Variants in ZNF85 observed in about 807,000 individuals in gnomAD.
The protein encoded by ZNF85 is zinc finger protein 85 (HPF4, HTF1).
Under a neutral mutation model 53.9 loss-of-function variants are expected in ZNF85, and 50 were observed. The observed-to-expected ratio is 0.93, with a 90% CI of 0.74 to 1.17. ZNF85 has a LOEUF of 1.17. ZNF85 is among the 50% of genes most tolerant of loss of function. ZNF85 has a pLI of 0.00. For missense variants in ZNF85, 747 were observed against 688.5 expected, an observed-to-expected ratio of 1.08 and a Z score of -0.95; for synonymous variants, 225 against 226.1, an observed-to-expected ratio of 1.00 and a Z score of 0.04.
At position 20,949,162 on chromosome 19, in the gene ZNF85, C is replaced by A. The variant is rs1973498309; in HGVS notation, c.648C>A (p.Thr216=). 3.7e-6 allele frequency: 6 copies of A among 1,613,446 alleles called. No individual in the cohort carries two copies. Among genetic ancestry groups the A allele is most frequent in the Non-Finnish European group, 5.1e-6 (6 of 1,179,718 alleles). ...GAAAAGCCTTTAACTGGTCCTCAAC[C>A]CTTACTAAACATAAGAGAATTCATA... ...ECGKAFNWSS[T]LTKHKRIHTG... is the part of the protein sequence containing the mutation. Residue 216 remains threonine, a synonymous_variant, in exon 4 of 4, where the codon ACC becomes ACA. Coordinates refer to ENST00000328178, the MANE Select transcript of ZNF85 (RefSeq NM_003429.5).
At chr19:20,945,740 C>G (rs2144665232) in intron 3 of ZNF85, 1 of 152,324 alleles carries the variant, frequency 6.6e-6, no homozygotes, top group African/African-American at 2.4e-5. Flanking sequence ...CCGCCTTGGC[C>G]TTCCAAAGTG....
chr19:20,931,598 T>C (rs1176664944), intron 1 of ZNF85, among the ~76,000 whole-genome samples: 1 of 137,896 alleles, frequency 7.3e-6, no homozygotes, highest in East Asian at 2.0e-4. Flanking sequence ...TGTGGCCATA[T>C]TTTCTTTTTC....
chr19:20,942,332 CG>C (rs1973317121), intron 3 of ZNF85, among the ~76,000 whole-genome samples: 1 of 151,790 alleles, frequency 6.6e-6, no homozygotes, highest in African/African-American at 2.4e-5. Flanking sequence ...TTGGTAGAGA[CG>C]GGGTTTCAGT....
intron 2 of ZNF85, 66 bp from the exon 3 acceptor site, chr19:20,934,883 C>T (rs1400447791): frequency 2.1e-6 from 2 of 971,818 alleles, no homozygotes; most frequent in African/African-American, 1.7e-5. Flanking sequence ...ACTAGCTAAG[C>T]ACATTACTAG....
Position 20,934,995 on chromosome 19 carries a change from GA to G in ZNF85, c.180del (p.Glu61ArgfsTer5). 2 of 1,611,614 alleles carry G rather than the reference GA, an allele frequency of 1.2e-6. No homozygotes were observed. The highest frequency in any genetic ancestry group is 1.7e-6 in the Non-Finnish European group (2 of 1,178,830). On this transcript the variant is annotated frameshift_variant, in exon 3 of 4. Coordinates refer to ENST00000328178, the MANE Select transcript of ZNF85 (RefSeq NM_003429.5). LOFTEE classifies it high-confidence loss of function. Reference sequence around the variant, plus strand: ...ACCTGATCACTTGTCTGGAGCAAGGGAAAGAGGCCTGGAGTATGAAGAGACA... The same window carrying G: ...ACCTGATCACTTGTCTGGAGCAAGGGAAGAGGCCTGGAGTATGAAGAGACA... ...PDLITCLEQG[K>X]EAWSMKRHEI...
At chr19:20,930,975 A>G (rs558795520) in intron 1 of ZNF85, among the ~76,000 whole-genome samples, 11 of 152,250 alleles carry the variant, frequency 7.2e-5, no homozygotes, top group East Asian at 1.9e-4. Flanking sequence ...GCGTTTCTCC[A>G]TGTTGGTCAG....
At position 20,949,279 on chromosome 19, in the gene ZNF85, G is replaced by C; in HGVS notation, c.765G>C (p.Glu255Asp). Residue 255 changes from glutamate to aspartate, a missense_variant, in exon 4 of 4, where the codon GAG becomes GAC. Physicochemically the swap from Glu to Asp is conservative, Grantham distance 45. Coordinates refer to ENST00000328178, the MANE Select transcript of ZNF85 (RefSeq NM_003429.5). ...LIKHKKIHTG[E>D]KPYKCEECGK... ...AACATAAGAAAATTCATACTGGAGA[G>C]AAACCCTACAAATGTGAAGAATGTG... 6.2e-7 allele frequency: 1 copy of C among 1,612,786 alleles called. No individual in the cohort carries two copies. Among genetic ancestry groups the C allele is most frequent in the Non-Finnish European group, 8.5e-7 (1 of 1,179,532 alleles).
intron 1 of ZNF85, chr19:20,926,909 T>C (rs1407499321): frequency 6.6e-6 from 1 of 152,196 alleles, no homozygotes; most frequent in East Asian, 1.9e-4. Context: ...CTATATCATC[T>C]TTATGGCTTG....
At chr19:20,933,912 A>T (rs1202847208) in intron 1 of ZNF85, 112 bp from the exon 2 acceptor site, 5 of 1,187,586 alleles carry the variant, frequency 4.2e-6, no homozygotes, top group Non-Finnish European at 4.5e-6. Context: ...CTCTCATTTC[A>T]CCTTGAGTAA....
intron 3 of ZNF85, among the ~76,000 whole-genome samples, chr19:20,942,407 G>T (rs145378016): frequency 0.1 from 15,532 of 152,074 alleles, 876 homozygotes; most frequent in Non-Finnish European, 0.13. Flanking sequence ...CTCCCAAAGT[G>T]CTGGGATTAC....
In ZNF85 at chr19:20,937,246, A is replaced by G. The variant is rs146942367; in HGVS notation, c.229+2199A>G. 3,510 of 440,842 alleles carry G rather than the reference A, an allele frequency of 8.0e-3. 65 individuals are homozygous for G. Among genetic ancestry groups the G allele is most frequent in the African/African-American group, 0.032 (1,602 of 49,352 alleles). 27.3% of individuals were successfully genotyped at this position (440,842 alleles called of 1,614,324 possible). A position where few individuals can be genotyped will look rare whatever the true frequency, so the allele number is the denominator to read the frequency against. On this transcript the variant is annotated intron_variant, in intron 3 of 3. Transcript: ENST00000328178. ...GAAGTTTCACCATATTGGCCAGGCG[A>G]GTCTCAAACTCCTGACCTCGTGATC...
intron 3 of ZNF85, among the ~76,000 whole-genome samples, chr19:20,940,060 T>G (rs1430136052): frequency 6.6e-6 from 1 of 152,018 alleles, no homozygotes; most frequent in Non-Finnish European, 1.5e-5. Context: ...GATACTCTTA[T>G]TTTTACCATG....
chr19:20,934,509 C>G (rs1311455920), intron 2 of ZNF85, among the ~76,000 whole-genome samples: 4 of 152,160 alleles, frequency 2.6e-5, no homozygotes, highest in Non-Finnish European at 5.9e-5. Flanking sequence ...GTGGCTCACG[C>G]CTGTAATCCC....
intron 3 of ZNF85, among the ~76,000 whole-genome samples, chr19:20,942,073 C>A (rs1471390002): frequency 1.3e-5 from 2 of 152,068 alleles, no homozygotes; most frequent in African/African-American, 4.8e-5. Context: ...TGATCATATA[C>A]AGATTTCTGT....
chr19:20,928,670 C>T (rs2144605220), intron 1 of ZNF85: 1 of 152,442 alleles, frequency 6.6e-6, no homozygotes, highest in East Asian at 1.9e-4. Context: ...CTACAAGTCT[C>T]CTGGCATATC....
At chr19:20,946,025 G>T (rs1266920777) in intron 3 of ZNF85, among the ~76,000 whole-genome samples, 3 of 139,500 alleles carry the variant, frequency 2.2e-5, no homozygotes, top group East Asian at 4.2e-4. Context: ...TTGAAATCAG[G>T]AAGTGTAATG....
At chr19:20,941,060 T>C (rs1973283329) in intron 3 of ZNF85, among the ~76,000 whole-genome samples, 1 of 152,054 alleles carries the variant, frequency 6.6e-6, no homozygotes, top group Non-Finnish European at 1.5e-5. Context: ...TTTAATTATC[T>C]GAGGAACATT....
chr19:20,929,907 T>A (rs915949722), intron 1 of ZNF85, among the ~76,000 whole-genome samples: 1 of 151,972 alleles, frequency 6.6e-6, no homozygotes, highest in Non-Finnish European at 1.5e-5. Context: ...GATCATAAGG[T>A]CAGGAGTTCG....
intron 1 of ZNF85, among the ~76,000 whole-genome samples, chr19:20,931,689 C>A (rs890457084): frequency 3.5e-5 from 5 of 143,930 alleles, no homozygotes; most frequent in Non-Finnish European, 7.4e-5. Flanking sequence ...CTTACTGCAA[C>A]CTCTGCCTGC....
Sources: gnomAD v4.1 joint callset for allele counts (sites outside exome capture counted in the v4.1 genomes callset) on GRCh38, gnomAD v4.1.1 for gene constraint, MANE v1.5 for transcripts, NCBI Gene and HGNC (gene_info 2026-07-23, HGNC 2026-07-21) for gene names.